Variants in DOCK2 observed in about 807,000 individuals in gnomAD.
DOCK2 encodes the protein dedicator of cytokinesis 2.
In DOCK2, 87 loss-of-function variants were observed where a neutral mutation model predicts 248.9. The ratio of observed to expected loss-of-function variants is 0.35; its 90% CI spans 0.29 to 0.42. The LOEUF (loss-of-function observed/expected upper bound fraction) is 0.42. Ranked by LOEUF, DOCK2 falls within the 10% of genes least tolerant of loss-of-function variation. The pLI is 1.00. For missense variants in DOCK2, 1,747 were observed against 2,300.2 expected (o/e 0.76, Z 4.92); for synonymous variants, 805 against 821.6 (o/e 0.98, Z 0.35).
At chr5:169,993,022 T>C (rs1326891412) in intron 29 of DOCK2, among the ~76,000 whole-genome samples, 1 of 152,206 alleles carries the variant, frequency 6.6e-6, no homozygotes, top group Non-Finnish European at 1.5e-5. Flanking sequence ...TAATGACTGT[T>C]ACTGGAATGA....
At chr5:169,814,876 C>A (rs1561725394) in intron 26 of DOCK2, among the ~76,000 whole-genome samples, 1 of 151,972 alleles carries the variant, frequency 6.6e-6, no homozygotes, top group Non-Finnish European at 1.5e-5. Context: ...CAAAAAAATC[C>A]AGAAAGGACT....
chr5:170,030,230 G>C (rs999707710), intron 34 of DOCK2, among the ~76,000 whole-genome samples: 3 of 152,144 alleles, frequency 2.0e-5, no homozygotes, highest in African/African-American at 7.2e-5. Flanking sequence ...ATTTATAAAA[G>C]GAGTCCTTAG....
Position 169,676,173 on chromosome 5 carries a change from C to G in DOCK2, c.470+1728C>G, listed in dbSNP as rs184225689. On this transcript the variant is annotated intron_variant, in intron 6 of 51. Transcript: ENST00000520908. Reference sequence around the variant, plus strand: ...GGAAGCCTTCCCTGATTTTCCACTACCCGCCTTGGCCCGGGGTAGGTGCTC... The same window carrying G: ...GGAAGCCTTCCCTGATTTTCCACTAGCCGCCTTGGCCCGGGGTAGGTGCTC... 2.1e-3 allele frequency among the ~76,000 whole-genome samples: 320 copies of G among 152,306 alleles called. 1 individual carries two copies. The highest frequency in any genetic ancestry group is 6.6e-3 in the African/African-American group (276 of 41,564).
intron 27 of DOCK2, among the ~76,000 whole-genome samples, chr5:169,894,074 G>A (rs1360942115): frequency 6.6e-6 from 1 of 152,210 alleles, no homozygotes; most frequent in African/African-American, 2.4e-5. Context: ...AAAAACGACA[G>A]ACTCCAGTGA....
intron 22 of DOCK2, among the ~76,000 whole-genome samples, chr5:169,738,970 T>G (rs1763178934): frequency 6.6e-6 from 1 of 152,212 alleles, no homozygotes; most frequent in Non-Finnish European, 1.5e-5. Flanking sequence ...CAAACCTCAG[T>G]GTGTTTGATC....
intron 22 of DOCK2, among the ~76,000 whole-genome samples, chr5:169,739,937 T>C (rs1441423596): frequency 6.6e-6 from 1 of 152,248 alleles, no homozygotes; most frequent in Admixed American, 6.5e-5. Flanking sequence ...ATGCGTGTGC[T>C]TCTTTCTATC....
chr5:169,820,101 G>A (rs529831190), intron 26 of DOCK2, among the ~76,000 whole-genome samples: 2 of 152,340 alleles, frequency 1.3e-5, no homozygotes, highest in East Asian at 1.9e-4. Flanking sequence ...TGAGGCTTGA[G>A]TAGGTAAACA....
At chr5:170,047,760 C>A in intron 40 of DOCK2, 146 bp downstream of exon 40, 1 of 630,166 alleles carries the variant, frequency 1.6e-6, no homozygotes, top group Non-Finnish European at 2.7e-6. Flanking sequence ...GGAGACTCCC[C>A]AGTCAATAGC....
At chr5:169,735,836 A>T (rs767877976) in intron 22 of DOCK2, among the ~76,000 whole-genome samples, 1 of 152,116 alleles carries the variant, frequency 6.6e-6, no homozygotes, top group Non-Finnish European at 1.5e-5. Flanking sequence ...AATGGACTCA[A>T]CACTTCCACA....
intron 27 of DOCK2, among the ~76,000 whole-genome samples, chr5:169,932,690 G>T (rs1244445245): frequency 6.6e-6 from 1 of 152,250 alleles, no homozygotes; most frequent in East Asian, 1.9e-4. Context: ...CTCTTTCCCT[G>T]TTCCCTATAT....
intron 46 of DOCK2, among the ~76,000 whole-genome samples, chr5:170,071,014 A>G (rs902246305): frequency 3.3e-5 from 5 of 152,004 alleles, no homozygotes; most frequent in Non-Finnish European, 5.9e-5. Flanking sequence ...TCTCCTTAGC[A>G]CCACCCGCTG....
chr5:169,733,891 AAGTT>A (rs1019059566), intron 22 of DOCK2, among the ~76,000 whole-genome samples: 1 of 152,174 alleles, frequency 6.6e-6, no homozygotes, highest in Non-Finnish European at 1.5e-5. Context: ...ATGTTGCTAA[AAGTT>A]AGTTTTCCTG....
intron 23 of DOCK2, among the ~76,000 whole-genome samples, chr5:169,748,390 T>A (rs1002750069): frequency 6.6e-6 from 1 of 152,178 alleles, no homozygotes; most frequent in African/African-American, 2.4e-5. Flanking sequence ...TAAATTCTGA[T>A]GCCTGGTTAC....
At chr5:170,018,099 A>C (rs1448736726) in intron 32 of DOCK2, among the ~76,000 whole-genome samples, 17 of 152,210 alleles carry the variant, frequency 1.1e-4, no homozygotes, top group Admixed American at 1.1e-3. Context: ...GATTCGACAT[A>C]TAAAGATATC....
rs191130044 is a variant in DOCK2, at chr5:169,902,671, C to T, written c.2799+61819C>T. 1.9e-3 allele frequency among the ~76,000 whole-genome samples: 293 copies of T among 152,296 alleles called. 3 individuals are homozygous for T. Among genetic ancestry groups the T allele is most frequent in the Non-Finnish European group, 4.4e-4 (30 of 68,030 alleles). ...CTGAGTGTTCCACAGAGAGGGAAGC[C>T]TCATTCCTGACTGTATTTTTTCCTC... On this transcript the variant is annotated intron_variant, in intron 27 of 51. Coordinates refer to ENST00000520908, the MANE Select transcript of DOCK2 (RefSeq NM_004946.3).
intron 15 of DOCK2, among the ~76,000 whole-genome samples, chr5:169,710,909 C>T (rs1487455554): frequency 3.3e-5 from 5 of 152,154 alleles, no homozygotes; most frequent in African/African-American, 1.2e-4. Context: ...TACACATTGC[C>T]CCATGTGTAA....
At chr5:169,928,475 C>G (rs1021040122) in intron 27 of DOCK2, among the ~76,000 whole-genome samples, 2 of 152,218 alleles carry the variant, frequency 1.3e-5, no homozygotes, top group Non-Finnish European at 2.9e-5. Context: ...CTCCTCGCTT[C>G]CCCATGCATC....
At chr5:169,905,882 T>G (rs1201360026) in intron 27 of DOCK2, among the ~76,000 whole-genome samples, 2 of 152,214 alleles carry the variant, frequency 1.3e-5, no homozygotes, top group African/African-American at 2.4e-5. Context: ...GTCTAAACAT[T>G]CATTCACAGT....
chr5:169,969,351 A>G (rs1777417212), intron 27 of DOCK2, among the ~76,000 whole-genome samples: 1 of 152,078 alleles, frequency 6.6e-6, no homozygotes, highest in Non-Finnish European at 1.5e-5. Flanking sequence ...AGGCTGAGGC[A>G]GGAGATTCAC....
Sources: gnomAD v4.1 joint callset for allele counts (sites outside exome capture counted in the v4.1 genomes callset) on GRCh38, gnomAD v4.1.1 for gene constraint, MANE v1.5 for transcripts, NCBI Gene and HGNC (gene_info 2026-07-23, HGNC 2026-07-21) for gene names.